Variants in ANO3 observed in about 807,000 individuals in gnomAD.
ANO3 encodes the protein anoctamin-3.
Under a neutral mutation model 144.8 loss-of-function variants are expected in ANO3, and 99 were observed. That is an observed-to-expected ratio of 0.68 (90% confidence interval 0.58 to 0.81). The LOEUF (loss-of-function observed/expected upper bound fraction) is 0.81. Ranked by LOEUF, ANO3 falls within the 30% of genes least tolerant of loss-of-function variation. ANO3 has a pLI of 0.00. For missense variants in ANO3, 905 were observed against 1,202.2 expected (o/e 0.75, Z 3.66); for synonymous variants, 414 against 392.6 (o/e 1.05, Z -0.64).
intron 1 of ANO3, among the ~76,000 whole-genome samples, chr11:26,269,988 A>C (rs1026196436): frequency 9.2e-5 from 14 of 152,224 alleles, no homozygotes; most frequent in African/African-American, 3.4e-4. Flanking sequence ...AGAACAGATC[A>C]TGTGAAGACA....
At chr11:26,294,870 C>CTT (rs905405335) in intron 1 of ANO3, among the ~76,000 whole-genome samples, 1 of 151,660 alleles carries the variant, frequency 6.6e-6, no homozygotes, top group Non-Finnish European at 1.5e-5. Flanking sequence ...GGTCATTTTC[C>CTT]TTTTTTTTCT....
intron 1 of ANO3, among the ~76,000 whole-genome samples, chr11:26,326,125 G>A (rs1854876256): frequency 6.6e-6 from 1 of 152,046 alleles, no homozygotes; most frequent in South Asian, 2.1e-4. Context: ...TTCCTATCAA[G>A]TAATTTAAAC....
chr11:26,348,557 G>A (rs1274227493), intron 1 of ANO3, among the ~76,000 whole-genome samples: 2 of 152,118 alleles, frequency 1.3e-5, no homozygotes, highest in Admixed American at 1.3e-4. Flanking sequence ...GTCCTTAAGA[G>A]GATCACAGCA....
intron 1 of ANO3, among the ~76,000 whole-genome samples, chr11:26,349,673 G>C (rs1235884712): frequency 6.6e-6 from 1 of 151,852 alleles, no homozygotes; most frequent in Admixed American, 6.6e-5. Flanking sequence ...CTCAGCCTCC[G>C]GAGTAGCTGG....
In ANO3 at chr11:26,662,475, C is replaced by T. The variant is rs1853908720; in HGVS notation, c.*2031C>T. On this transcript the variant is annotated 3_prime_UTR_variant, in exon 27 of 27. Coordinates refer to ENST00000256737, the MANE Select transcript of ANO3 (RefSeq NM_031418.4). The stretch of plus-strand genomic sequence containing the variant: ...AAATACTCTCTCTACCTAATAATAA[C>T]ATCAACCAACATCTTTTCCAAATTA... The T allele has an allele frequency of 6.6e-6, 1 of 152,002 alleles. No individual in the cohort carries two copies. The highest frequency in any genetic ancestry group is 1.5e-5 in the Non-Finnish European group (1 of 67,992). 9.4% of individuals were successfully genotyped at this position (152,002 alleles called of 1,614,324 possible). A position where few individuals can be genotyped will look rare whatever the true frequency, so the allele number is the denominator to read the frequency against.
intron 1 of ANO3, among the ~76,000 whole-genome samples, chr11:26,350,195 A>C (rs1855607853): frequency 6.6e-6 from 1 of 152,074 alleles, no homozygotes; most frequent in African/African-American, 2.4e-5. Flanking sequence ...CTTTAGGAGG[A>C]CTGTGGGTAA....
intron 1 of ANO3, among the ~76,000 whole-genome samples, chr11:26,351,696 C>T (rs1213831674): frequency 6.6e-5 from 10 of 152,108 alleles, no homozygotes; most frequent in Admixed American, 5.9e-4. Flanking sequence ...ACAATTTGAA[C>T]GGTTTGCCAC....
At chr11:26,395,243 G>A (rs546706729) in intron 1 of ANO3, among the ~76,000 whole-genome samples, 1 of 152,202 alleles carries the variant, frequency 6.6e-6, no homozygotes, top group South Asian at 2.1e-4. Flanking sequence ...ACTTAGGATT[G>A]TCTTGGCTAT....
intron 5 of ANO3, chr11:26,508,484 A>G: frequency 4.8e-6 from 2 of 413,668 alleles, no homozygotes; most frequent in Non-Finnish European, 8.4e-6. Context: ...GGGCATGACT[A>G]TTTTTGCAAT....
At chr11:26,564,887 T>G (rs1015434187) in intron 14 of ANO3, among the ~76,000 whole-genome samples, 2 of 149,734 alleles carry the variant, frequency 1.3e-5, no homozygotes, top group Admixed American at 6.7e-5. Flanking sequence ...GTACCATTGC[T>G]TCAGTCTCCA....
At chr11:26,605,024 TC>T (rs1851898252) in intron 17 of ANO3, among the ~76,000 whole-genome samples, 1 of 152,176 alleles carries the variant, frequency 6.6e-6, no homozygotes, top group South Asian at 2.1e-4. Context: ...CAGCTTTTGC[TC>T]ATTCAATGTG....
chr11:26,559,634 A>G, intron 13 of ANO3, 85 bp from the exon 14 acceptor site: 1 of 919,132 alleles, frequency 1.1e-6, no homozygotes, highest in South Asian at 1.3e-5. Flanking sequence ...TTGAGAAAAA[A>G]TCATAGTACC....
chr11:26,426,677 G>C (rs1857930102), intron 1 of ANO3, among the ~76,000 whole-genome samples: 1 of 152,140 alleles, frequency 6.6e-6, no homozygotes, highest in Non-Finnish European at 1.5e-5. Context: ...GGTGGGAAAG[G>C]AGTGAGCTGC....
intron 17 of ANO3, among the ~76,000 whole-genome samples, chr11:26,621,862 G>C (rs1030149904): frequency 1.3e-5 from 2 of 152,002 alleles, no homozygotes; most frequent in Non-Finnish European, 2.9e-5. Context: ...ATGTTATCAC[G>C]TGTGTGTATC....
intron 1 of ANO3, among the ~76,000 whole-genome samples, chr11:26,300,699 T>C (rs575599918): frequency 9.2e-5 from 14 of 152,290 alleles, no homozygotes; most frequent in African/African-American, 3.4e-4. Context: ...ATGCTAATGT[T>C]TAGCAGATGC....
intron 1 of ANO3, among the ~76,000 whole-genome samples, chr11:26,363,555 G>A (rs757741601): frequency 6.6e-6 from 1 of 151,986 alleles, no homozygotes; most frequent in Non-Finnish European, 1.5e-5. Flanking sequence ...GGCCTCACCT[G>A]TACAACCTCA....
chr11:26,475,228 T>C (rs1362291566), intron 4 of ANO3, among the ~76,000 whole-genome samples: 1 of 152,030 alleles, frequency 6.6e-6, no homozygotes, highest in African/African-American at 2.4e-5. Flanking sequence ...AGTATTTACA[T>C]TTGCTTCATG....
At chr11:26,385,995 C>G (rs995169220) in intron 1 of ANO3, among the ~76,000 whole-genome samples, 1 of 151,436 alleles carries the variant, frequency 6.6e-6, no homozygotes, top group African/African-American at 2.4e-5. Flanking sequence ...ACAAGATCAC[C>G]CAGTAGCGAC....
chr11:26,591,948 C>T (rs1367265536), intron 14 of ANO3, among the ~76,000 whole-genome samples: 2 of 152,124 alleles, frequency 1.3e-5, no homozygotes, highest in South Asian at 4.1e-4. Flanking sequence ...TAGGGTCCTT[C>T]CCAGGATGTA....
Sources: allele counts gnomAD v4.1 joint callset (sites outside exome capture counted in the v4.1 genomes callset), GRCh38; gene constraint gnomAD v4.1.1; transcripts MANE v1.5; gene names NCBI Gene and HGNC (gene_info 2026-07-23, HGNC 2026-07-21).